The following SNX29 variants were observed in gnomAD, a reference collection of about 807,000 sequenced individuals.
The protein encoded by SNX29 is sorting nexin 29.
In SNX29, 78 loss-of-function variants were observed where a neutral mutation model predicts 102.1. The observed-to-expected ratio is 0.76, with a 90% confidence interval of 0.64 to 0.92. The LOEUF (loss-of-function observed/expected upper bound fraction) is 0.92. Ranked by LOEUF, SNX29 falls within the 40% of genes least tolerant of loss-of-function variation. SNX29 has a pLI of 0.00. For synonymous variants in SNX29, 580 were observed against 414.5 expected, an observed-to-expected ratio of 1.40 and a Z score of -4.85; for missense variants, 1,280 against 1,061.7, an observed-to-expected ratio of 1.21 and a Z score of -2.86.
rs572266609 is a variant in SNX29 at position 12,022,171 on chromosome 16, A to AT, written c.123-5138dup. On this transcript the variant is annotated intron_variant, in intron 3 of 20. Transcript: ENST00000566228. The stretch of plus-strand genomic sequence containing the variant: ...AAAATTGTAAGTATACAATTCAGTG[A>AT]TTTTTTTTTTTCAATTCAGTGATTT... Among the ~76,000 whole-genome samples the AT allele has an allele frequency of 6.0e-3, 640 of 106,686 alleles. 9 individuals are homozygous for AT. Among genetic ancestry groups the AT allele is most frequent in the East Asian group, 0.028 (104 of 3,696 alleles). The allele number at this position is 106,686 out of a possible 152,430, so 70.0% of individuals were successfully genotyped here.
At chr16:12,528,307 C>T (rs2141157870) in intron 20 of SNX29, among the ~76,000 whole-genome samples, 1 of 152,290 alleles carries the variant, frequency 6.6e-6, no homozygotes, top group South Asian at 2.1e-4. Context: ...AAGTGATTTT[C>T]CCGCCTCAGC....
chr16:12,555,930 G>C (rs935500209), intron 20 of SNX29, among the ~76,000 whole-genome samples: 1 of 152,130 alleles, frequency 6.6e-6, no homozygotes, highest in Non-Finnish European at 1.5e-5. Context: ...TATGGTGTCA[G>C]GTCTGTTTAC....
chr16:12,249,449 A>G (rs988358537), intron 14 of SNX29, among the ~76,000 whole-genome samples: 8 of 152,224 alleles, frequency 5.3e-5, no homozygotes, highest in Admixed American at 4.6e-4. Flanking sequence ...TGACCAGAGT[A>G]AGTCACATGG....
At chr16:12,113,977 A>G (rs566270030) in intron 11 of SNX29, among the ~76,000 whole-genome samples, 3 of 152,310 alleles carry the variant, frequency 2.0e-5, no homozygotes, top group Admixed American at 2.0e-4. Context: ...TGAGACCCAA[A>G]GTGGGTTTGA....
At chr16:12,334,579 G>A (rs2081390170) in intron 15 of SNX29, among the ~76,000 whole-genome samples, 1 of 152,150 alleles carries the variant, frequency 6.6e-6, no homozygotes, top group South Asian at 2.1e-4. Context: ...TAAGAATCTG[G>A]CATCCTGGGC....
At chr16:12,133,095 G>A (rs1445820923) in intron 13 of SNX29, among the ~76,000 whole-genome samples, 5 of 152,064 alleles carry the variant, frequency 3.3e-5, no homozygotes, top group African/African-American at 1.2e-4. Flanking sequence ...TTGCGCCGGC[G>A]CCATGCTTTC....
chr16:12,106,648 A>T (rs1157762244), intron 11 of SNX29, among the ~76,000 whole-genome samples: 5 of 142,278 alleles, frequency 3.5e-5, no homozygotes, highest in African/African-American at 5.2e-5. Flanking sequence ...TCATTTTTCT[A>T]TTTTTTTTTT....
chr16:12,211,303 A>T (rs1342432928), intron 14 of SNX29, among the ~76,000 whole-genome samples: 1 of 152,168 alleles, frequency 6.6e-6, no homozygotes, highest in East Asian at 1.9e-4. Flanking sequence ...ATACAGCCCA[A>T]CCTTTTCCCA....
At chr16:12,175,281 T>C (rs2076235168) in intron 13 of SNX29, among the ~76,000 whole-genome samples, 1 of 152,144 alleles carries the variant, frequency 6.6e-6, no homozygotes, top group African/African-American at 2.4e-5. Context: ...TGTTAAGCCC[T>C]AACTCCCAAT....
intron 3 of SNX29, among the ~76,000 whole-genome samples, chr16:12,012,347 G>A: frequency 6.6e-6 from 1 of 152,114 alleles, no homozygotes; most frequent in East Asian, 1.9e-4. Flanking sequence ...AAAGTCAGCA[G>A]GTTCTTCTCT....
intron 1 of SNX29, among the ~76,000 whole-genome samples, chr16:11,992,216 C>G (rs1267890214): frequency 6.6e-6 from 1 of 152,032 alleles, no homozygotes; most frequent in Non-Finnish European, 1.5e-5. Flanking sequence ...ACTGCTTGAG[C>G]CCTGGAGTTG....
chr16:12,405,759 C>T (rs143663155), intron 18 of SNX29, among the ~76,000 whole-genome samples: 2,037 of 152,300 alleles, frequency 0.013, 48 homozygotes, highest in African/African-American at 0.046. Context: ...GCTGGCCAAG[C>T]ATGGTGGCTC....
chr16:12,176,011 AC>A (rs1250300559), intron 13 of SNX29, among the ~76,000 whole-genome samples: 2 of 152,012 alleles, frequency 1.3e-5, no homozygotes, highest in African/African-American at 4.8e-5. Context: ...GTCTAAAACA[AC>A]AACAACAACA....
At chr16:12,560,415 C>CT (rs1489541550) in intron 20 of SNX29, among the ~76,000 whole-genome samples, 1 of 152,170 alleles carries the variant, frequency 6.6e-6, no homozygotes, top group Non-Finnish European at 1.5e-5. Context: ...GCCACAGTGT[C>CT]TGTCCTGTAG....
chr16:12,238,646 C>G (rs537785682), intron 14 of SNX29, among the ~76,000 whole-genome samples: 2 of 152,164 alleles, frequency 1.3e-5, no homozygotes, highest in Non-Finnish European at 2.9e-5. Flanking sequence ...TTGTGAGGAA[C>G]GTCAGTGGGG....
intron 19 of SNX29, among the ~76,000 whole-genome samples, chr16:12,492,851 C>T (rs1159283906): frequency 1.3e-5 from 2 of 152,088 alleles, no homozygotes; most frequent in Non-Finnish European, 2.9e-5. Context: ...AGATATGCAG[C>T]ATTATTTCTG....
intron 11 of SNX29, among the ~76,000 whole-genome samples, chr16:12,105,038 T>G (rs907400488): frequency 1.3e-5 from 2 of 152,156 alleles, no homozygotes; most frequent in African/African-American, 4.8e-5. Flanking sequence ...CTCATCCACA[T>G]AGGAAGGAGA....
chr16:12,024,467 G>T lies in SNX29; in HGVS notation c.123-2853G>T, dbSNP rs149671185. ...AGTCGAGATCTGCCTTGAATGACCA[G>T]TAGATACGTGCTCAGATCCAAACTG... is the stretch of plus-strand genomic sequence containing the variant. On this transcript the variant is annotated intron_variant, in intron 3 of 20. Coordinates refer to ENST00000566228, the MANE Select transcript of SNX29 (RefSeq NM_032167.5). Among the ~76,000 whole-genome samples the T allele has an allele frequency of 2.5e-3, 387 of 152,266 alleles. 1 individual carries two copies. The highest frequency in any genetic ancestry group is 8.7e-3 in the African/African-American group (363 of 41,538).
chr16:12,057,178 CATA>C lies in SNX29; in HGVS notation c.1125-4347_1125-4345del, dbSNP rs538979649. On this transcript the variant is annotated intron_variant, in intron 8 of 20. Coordinates refer to ENST00000566228, the MANE Select transcript of SNX29 (RefSeq NM_032167.5). The stretch of plus-strand genomic sequence containing the variant: ...ATACCGGTAGGGAAGTAGGGGGAAA[CATA>C]ATTCAGAAAGGACTACAAACATATG... 7.9e-5 allele frequency among the ~76,000 whole-genome samples: 12 copies of C among 152,292 alleles called. No individual in the cohort carries two copies. The South Asian group carries it at 2.3e-3, about 29-fold the overall frequency.
Sources: allele counts gnomAD v4.1 joint callset (sites outside exome capture counted in the v4.1 genomes callset), GRCh38; gene constraint gnomAD v4.1.1; transcripts MANE v1.5; gene names NCBI Gene and HGNC (gene_info 2026-07-23, HGNC 2026-07-21).